CEP68: variants seen among roughly 807,000 people sequenced by gnomAD.
The protein encoded by CEP68 is centrosomal protein 68.
Under a neutral mutation model 55.3 loss-of-function variants are expected in CEP68, and 26 were observed. The ratio of observed to expected loss-of-function variants is 0.47; its 90% confidence interval spans 0.34 to 0.65. CEP68 has a LOEUF of 0.65. Ranked by LOEUF, CEP68 falls within the 30% of genes least tolerant of loss-of-function variation. The pLI, the probability that CEP68 is intolerant of heterozygous loss-of-function variation, is 0.01. For missense variants in CEP68, 957 were observed against 946.7 expected, an observed-to-expected ratio of 1.01 and a Z score of -0.14; for synonymous variants, 402 against 383.2, an observed-to-expected ratio of 1.05 and a Z score of -0.57.
At chr2:65,080,202 C>T (rs1558568887) in intron 5 of CEP68, 1 of 973,390 alleles carries the variant, frequency 1.0e-6, no homozygotes, top group Non-Finnish European at 1.2e-6. Flanking sequence ...TTTAATAATA[C>T]TTTTCTGTGC....
At chr2:65,068,098 A>G (rs1364664229) in intron 1 of CEP68, among the ~76,000 whole-genome samples, 1 of 152,036 alleles carries the variant, frequency 6.6e-6, no homozygotes, top group Non-Finnish European at 1.5e-5. Context: ...TTCTGCCCAC[A>G]TTTAAGCTTT....
intron 4 of CEP68, 49 bp downstream of exon 4, chr2:65,074,453 A>G: frequency 6.2e-7 from 1 of 1,613,242 alleles, no homozygotes; most frequent in Non-Finnish European, 8.5e-7. Context: ...GAGTGTGGCT[A>G]AATTACTCGA....
Position 65,071,492 on chromosome 2 carries a change from T to A in CEP68, c.396T>A (p.Pro132=), listed in dbSNP as rs773443161. ...KTKLSSSEEF[P]QTLSLPRTTT... ...AGCTTTCTTCCTCCGAGGAGTTCCC[T>A]CAGACTCTGAGCCTTCCCAGAACAA... The change falls in exon 3 of 7, where the codon CCT becomes CCA. Residue 132 remains proline, a synonymous_variant. Coordinates refer to ENST00000377990, the MANE Select transcript of CEP68 (RefSeq NM_015147.3). 6.2e-7 allele frequency: 1 copy of A among 1,613,998 alleles called. No individual in the cohort carries two copies. Among genetic ancestry groups the A allele is most frequent in the Admixed American group, 1.7e-5 (1 of 60,000 alleles).
intron 5 of CEP68, among the ~76,000 whole-genome samples, chr2:65,079,038 C>A (rs1472152140): frequency 1.3e-5 from 2 of 152,210 alleles, no homozygotes; most frequent in African/African-American, 2.4e-5. Flanking sequence ...GAACTGATGG[C>A]AGCCCCTAAT....
At position 65,071,902 on chromosome 2, in the gene CEP68, T is replaced by A. The variant is rs776665992; in HGVS notation, c.806T>A (p.Phe269Tyr). 6.2e-7 allele frequency: 1 copy of A among 1,612,950 alleles called. No individual in the cohort carries two copies. Among genetic ancestry groups the A allele is most frequent in the Non-Finnish European group, 8.5e-7 (1 of 1,179,730 alleles). ...ASGLGRRRLS[F>Y]QAEYWACVLP... ...GGGCTAGGCAGGAGACGCCTCTCCT[T>A]CCAGGCTGAGTACTGGGCCTGTGTG... Residue 269 changes from phenylalanine to tyrosine, a missense_variant, in exon 3 of 7, where the codon TTC (phenylalanine) becomes TAC (tyrosine). Physicochemically the swap from Phe to Tyr is conservative, Grantham distance 22. Coordinates refer to ENST00000377990, the MANE Select transcript of CEP68 (RefSeq NM_015147.3).
chr2:65,076,891 T>C, intron 4 of CEP68, among the ~76,000 whole-genome samples: 1 of 151,714 alleles, frequency 6.6e-6, no homozygotes, highest in Non-Finnish European at 1.5e-5. Context: ...CTGGGCAAAA[T>C]AGTGAGACCC....
chr2:65,078,700 C>T (rs1172422251), intron 5 of CEP68, among the ~76,000 whole-genome samples: 1 of 151,768 alleles, frequency 6.6e-6, no homozygotes, highest in African/African-American at 2.4e-5. Flanking sequence ...CGCCACCATG[C>T]CCGGCTATTT....
At position 65,086,021 on chromosome 2, in the gene CEP68, C is replaced by T. The variant is rs533109933; in HGVS notation, c.*2387C>T. On this transcript the variant is annotated 3_prime_UTR_variant, in exon 7 of 7. Transcript: ENST00000377990. ...ATACTCAAAGCTGGATCAGCAGTTT[C>T]AAGATCTGGGTTCTTGGAGATCCAT... 1 of 152,272 alleles carries T rather than the reference C, an allele frequency of 6.6e-6. No individual in the cohort carries two copies. Among genetic ancestry groups the T allele is most frequent in the South Asian group, 2.1e-4 (1 of 4,822 alleles). The allele number at this position is 152,272 out of a possible 1,614,324, so 9.4% of individuals were successfully genotyped here.
intron 1 of CEP68, among the ~76,000 whole-genome samples, chr2:65,066,777 A>C (rs111266847): frequency 0.017 from 897 of 53,530 alleles, 23 homozygotes; most frequent in African/African-American, 0.06. Context: ...TACACACACA[A>C]AAAAAAATTA....
At chr2:65,077,805 A>G in intron 4 of CEP68, 63 bp from the exon 5 acceptor site, 1 of 1,293,738 alleles carries the variant, frequency 7.7e-7, no homozygotes, top group Non-Finnish European at 1.1e-6. Flanking sequence ...GTGCTTTTCA[A>G]ATAACGTTTA....
rs767483708 is a variant in CEP68 at position 65,082,529 on chromosome 2, T to C, written c.2105-7T>C. ...TCTGGTTTAATTTCTTTGAACCTCA[T>C]TGTTAGTTTTAGAGGATGTCCTTGG... On this transcript the variant is annotated splice_region_variant and splice_polypyrimidine_tract_variant and intron_variant, in intron 5 of 6. Coordinates refer to ENST00000377990, the MANE Select transcript of CEP68 (RefSeq NM_015147.3). 2 of 1,525,894 alleles carry C rather than the reference T, an allele frequency of 1.3e-6. No homozygotes were observed. Among genetic ancestry groups the C allele is most frequent in the East Asian group, 2.4e-5 (1 of 41,280 alleles). The allele number at this position is 1,525,894 out of a possible 1,614,324, so 94.5% of individuals were successfully genotyped here.
chr2:65,064,733 CAAAA>C (rs766499382), intron 1 of CEP68, among the ~76,000 whole-genome samples: 3 of 94,690 alleles, frequency 3.2e-5, no homozygotes, highest in African/African-American at 4.2e-5. Flanking sequence ...GACTCCGTCT[CAAAA>C]AAAAAAAAAA....
chr2:65,064,531 G>A (rs1466848823), intron 1 of CEP68, among the ~76,000 whole-genome samples: 2 of 152,046 alleles, frequency 1.3e-5, no homozygotes, highest in Admixed American at 6.5e-5. Flanking sequence ...TCAGGAGATC[G>A]AGACCATCCT....
intron 5 of CEP68, chr2:65,080,304 A>C: frequency 1.0e-6 from 1 of 985,220 alleles, no homozygotes; most frequent in Non-Finnish European, 1.2e-6. Flanking sequence ...TCAGATTGAC[A>C]CACAGCCCTT....
At chr2:65,073,151 G>A (rs781633615) in intron 3 of CEP68, 171 bp downstream of exon 3, 1 of 792,034 alleles carries the variant, frequency 1.3e-6, no homozygotes, top group Admixed American at 2.1e-5. Flanking sequence ...GGTAAGCACT[G>A]TTCTCATTTT....
At chr2:65,070,431 G>C (rs1318182468) in intron 2 of CEP68, among the ~76,000 whole-genome samples, 3 of 151,844 alleles carry the variant, frequency 2.0e-5, no homozygotes, top group Non-Finnish European at 4.4e-5. Context: ...GGAATGATCT[G>C]TTCTGCCCAG....
intron 1 of CEP68, among the ~76,000 whole-genome samples, chr2:65,062,858 G>T (rs1193640253): frequency 6.6e-6 from 1 of 152,104 alleles, no homozygotes; most frequent in East Asian, 1.9e-4. Context: ...TAGTCCTAGG[G>T]GAGGTCCTTT....
intron 1 of CEP68, among the ~76,000 whole-genome samples, chr2:65,062,291 T>C (rs1187077502): frequency 6.6e-6 from 1 of 152,174 alleles, no homozygotes; most frequent in East Asian, 1.9e-4. Context: ...CCCAACACTT[T>C]GGGAGGCCGA....
chr2:65,078,024 G>A (rs1676842010), intron 5 of CEP68, 60 bp downstream of exon 5: 4 of 1,283,550 alleles, frequency 3.1e-6, no homozygotes, highest in Non-Finnish European at 4.5e-6. Context: ...AGCAGGCCCA[G>A]GGACCGCACT....
Sources: allele counts gnomAD v4.1 joint callset (sites outside exome capture counted in the v4.1 genomes callset), GRCh38; gene constraint gnomAD v4.1.1; transcripts MANE v1.5; gene names NCBI Gene and HGNC (gene_info 2026-07-23, HGNC 2026-07-21).